The following MYO3B variants were observed in gnomAD, a reference collection of about 807,000 sequenced individuals.
MYO3B encodes the protein myosin-IIIb.
MYO3B carries 156 observed loss-of-function variants against 174.6 expected under a neutral mutation model. That is an observed-to-expected ratio of 0.89 (90% confidence interval 0.78 to 1.02). The LOEUF is 1.02. Among genes scored for constraint, MYO3B ranks in the 50% least tolerant of loss-of-function variants. MYO3B has a pLI of 0.00. For synonymous variants in MYO3B, 563 were observed against 569.1 expected, an observed-to-expected ratio of 0.99 and a Z score of 0.15; for missense variants, 1,632 against 1,639.4, an observed-to-expected ratio of 1.00 and a Z score of 0.08.
chr2:170,308,546 A>G (rs928396460), intron 7 of MYO3B, among the ~76,000 whole-genome samples: 4 of 152,064 alleles, frequency 2.6e-5, no homozygotes, highest in African/African-American at 9.7e-5. Context: ...TTGATCTTAG[A>G]TAATCTTTAC....
At chr2:170,359,553 A>G (rs1458189933) in intron 8 of MYO3B, among the ~76,000 whole-genome samples, 1 of 152,206 alleles carries the variant, frequency 6.6e-6, no homozygotes, top group African/African-American at 2.4e-5. Context: ...TGTTCCAGCC[A>G]GACTCTCACC....
intron 6 of MYO3B, among the ~76,000 whole-genome samples, chr2:170,221,711 G>A (rs2092902653): frequency 6.6e-6 from 1 of 151,552 alleles, no homozygotes; most frequent in African/African-American, 2.4e-5. Context: ...ATAATAAAAG[G>A]GTTAATCTAA....
intron 27 of MYO3B, 132 bp from the exon 28 acceptor site, chr2:170,501,653 T>G: frequency 3.2e-6 from 2 of 619,794 alleles, no homozygotes; most frequent in Non-Finnish European, 5.8e-6. Context: ...ATACCTCTGC[T>G]TATTTTGTTC....
chr2:170,338,575 C>A (rs1308436628), intron 8 of MYO3B, among the ~76,000 whole-genome samples: 1 of 152,018 alleles, frequency 6.6e-6, no homozygotes, highest in Non-Finnish European at 1.5e-5. Context: ...GAAGCCTGCC[C>A]ACCATTCCCA....
chr2:170,180,319 A>G, intron 1 of MYO3B: 1 of 250,276 alleles, frequency 4.0e-6, no homozygotes, highest in East Asian at 1.1e-4. Flanking sequence ...GCTGCTTGGA[A>G]GAATGCAGTA....
At chr2:170,566,040 A>G (rs1441494019) in intron 32 of MYO3B, among the ~76,000 whole-genome samples, 1 of 152,214 alleles carries the variant, frequency 6.6e-6, no homozygotes, top group African/African-American at 2.4e-5. Flanking sequence ...CTGGACTATA[A>G]TAATCAGTGA....
intron 7 of MYO3B, among the ~76,000 whole-genome samples, chr2:170,254,975 A>G (rs1299824680): frequency 6.6e-6 from 1 of 152,150 alleles, no homozygotes; most frequent in Non-Finnish European, 1.5e-5. Flanking sequence ...TGGTTTGGGA[A>G]GAGAGAGCTG....
rs181033333 is a variant in MYO3B, at chr2:170,253,280, G to T, written c.749+17144G>T. Among the ~76,000 whole-genome samples the T allele has an allele frequency of 2.6e-4, 39 of 152,274 alleles. 1 individual carries two copies. The highest frequency in any genetic ancestry group is 2.6e-3 in the Admixed American group (39 of 15,294). On this transcript the variant is annotated intron_variant, in intron 7 of 34. Transcript: ENST00000408978. Reference sequence around the variant, plus strand: ...GGTGGTGCTGACAGGATTGCTTATGGATTTGATGTAGGGTATGAGAGGGAG... The same window carrying T: ...GGTGGTGCTGACAGGATTGCTTATGTATTTGATGTAGGGTATGAGAGGGAG...
chr2:170,221,327 A>C (rs571059577), intron 6 of MYO3B, among the ~76,000 whole-genome samples: 1 of 152,218 alleles, frequency 6.6e-6, no homozygotes, highest in African/African-American at 2.4e-5. Flanking sequence ...ATTTTTGAGG[A>C]ATTGAACCAA....
intron 33 of MYO3B, 128 bp from the exon 34 acceptor site, chr2:170,651,979 TC>T: frequency 1.1e-6 from 1 of 902,672 alleles, no homozygotes; most frequent in South Asian, 1.6e-5. Context: ...AGCCCTTTGA[TC>T]AAAAAAAATT....
chr2:170,574,056 A>G (rs1692632195), intron 32 of MYO3B, among the ~76,000 whole-genome samples: 1 of 152,150 alleles, frequency 6.6e-6, no homozygotes, highest in African/African-American at 2.4e-5. Context: ...GCTCAAAGGA[A>G]ACAAAGAAGG....
chr2:170,275,968 C>T (rs2093461336), intron 7 of MYO3B, among the ~76,000 whole-genome samples: 1 of 152,144 alleles, frequency 6.6e-6, no homozygotes. Flanking sequence ...GTAAACTTTA[C>T]TAAATTCAAG....
intron 16 of MYO3B, among the ~76,000 whole-genome samples, chr2:170,396,229 G>T (rs2094441447): frequency 6.6e-6 from 1 of 152,200 alleles, no homozygotes; most frequent in Non-Finnish European, 1.5e-5. Flanking sequence ...AGGCTCTGTA[G>T]CTGGAGATGA....
intron 32 of MYO3B, among the ~76,000 whole-genome samples, chr2:170,585,064 G>A (rs1236579563): frequency 6.6e-6 from 1 of 152,212 alleles, no homozygotes; most frequent in South Asian, 2.1e-4. Flanking sequence ...ATCTGCTGGA[G>A]TCCCACCTCC....
chr2:170,257,804 A>G (rs2093316747), intron 7 of MYO3B, among the ~76,000 whole-genome samples: 1 of 152,130 alleles, frequency 6.6e-6, no homozygotes, highest in Non-Finnish European at 1.5e-5. Context: ...TTGAAAAGAT[A>G]AACAAGATCA....
intron 7 of MYO3B, among the ~76,000 whole-genome samples, chr2:170,316,808 G>A (rs1291209764): frequency 3.3e-5 from 5 of 152,198 alleles, no homozygotes; most frequent in African/African-American, 9.6e-5. Context: ...TTGTTGTAAT[G>A]TGGGTGAGGT....
At chr2:170,276,843 A>C (rs746139654) in intron 7 of MYO3B, among the ~76,000 whole-genome samples, 16 of 152,152 alleles carry the variant, frequency 1.1e-4, no homozygotes, top group Non-Finnish European at 2.1e-4. Flanking sequence ...TTTGCTTTAT[A>C]ATGTATTTAT....
chr2:170,180,603 T>C (rs991083767), intron 1 of MYO3B, among the ~76,000 whole-genome samples: 1 of 152,190 alleles, frequency 6.6e-6, no homozygotes, highest in African/African-American at 2.4e-5. Flanking sequence ...AAATATTTAT[T>C]TTAAAAAGTA....
intron 7 of MYO3B, among the ~76,000 whole-genome samples, chr2:170,266,690 A>G: frequency 6.6e-6 from 1 of 152,202 alleles, no homozygotes; most frequent in East Asian, 1.9e-4. Flanking sequence ...CTCTTAGTTC[A>G]CGACAGATTC....
Sources: gnomAD v4.1 joint callset for allele counts (sites outside exome capture counted in the v4.1 genomes callset) on GRCh38, gnomAD v4.1.1 for gene constraint, MANE v1.5 for transcripts, NCBI Gene and HGNC (gene_info 2026-07-23, HGNC 2026-07-21) for gene names.